The following CFAP57 variants were observed in gnomAD, a reference collection of about 807,000 sequenced individuals.
CFAP57 encodes cilia and flagella associated protein 57, also known as cilia- and flagella-associated protein 57.
In CFAP57, 116 loss-of-function variants were observed where a neutral mutation model predicts 146.8. The ratio of observed to expected loss-of-function variants is 0.79; its 90% confidence interval spans 0.68 to 0.92. The LOEUF (loss-of-function observed/expected upper bound fraction) is 0.92. Among genes scored for constraint, CFAP57 ranks in the 40% least tolerant of loss-of-function variants. The probability of loss-of-function intolerance (pLI) is 0.00; values close to 1 mark genes in which losing one functional copy is unlikely to be tolerated. For synonymous variants in CFAP57, 518 were observed against 552.8 expected (o/e 0.94, Z 0.88); for missense variants, 1,377 against 1,527.2 (o/e 0.90, Z 1.64).
chr1:43,226,979 C>G lies in CFAP57; in HGVS notation c.2866-4C>G. ...CTCTCACTTCTCTCTCATCTCACCC[C>G]CAGGAGAAGCGAATTTATGATCTGA... On this transcript the variant is annotated splice_region_variant and splice_polypyrimidine_tract_variant and intron_variant, in intron 17 of 22. Transcript: ENST00000372492. 1 of 1,506,292 alleles carries G rather than the reference C, an allele frequency of 6.6e-7. No homozygotes were observed. Among genetic ancestry groups the G allele is most frequent in the Non-Finnish European group, 8.9e-7 (1 of 1,127,434 alleles). 93.3% of individuals were successfully genotyped at this position (1,506,292 alleles called of 1,614,324 possible).
Position 43,210,236 on chromosome 1 carries a change from T to G in CFAP57, c.1929+320T>G, listed in dbSNP as rs958395654. On this transcript the variant is annotated intron_variant, in intron 11 of 22. Coordinates refer to ENST00000372492, the MANE Select transcript of CFAP57 (RefSeq NM_001378189.1). ...TGGGCTGCACTTGACCACAGCTGCCTCCTCCTCCAGAGAATGCCCCAGACT... is the reference window on the plus strand; with the variant it reads ...TGGGCTGCACTTGACCACAGCTGCCGCCTCCTCCAGAGAATGCCCCAGACT... 6.5e-5 allele frequency: 96 copies of G among 1,483,502 alleles called. No homozygotes were observed. In the East Asian group the frequency reaches 2.2e-3, roughly 34 times the overall value. 91.9% of individuals were successfully genotyped at this position (1,483,502 alleles called of 1,614,324 possible). A position where few individuals can be genotyped will look rare whatever the true frequency, so the allele number is the denominator to read the frequency against.
chr1:43,210,480 C>CAATACCCT, intron 11 of CFAP57: 1 of 941,958 alleles, frequency 1.1e-6, no homozygotes, highest in Non-Finnish European at 1.3e-6. Context: ...TACAATGGAA[C>CAATACCCT]AATACCCTGC....
chr1:43,254,274 G>T lies in CFAP57; in HGVS notation c.*83G>T. ...CAAGCCAGACTTGCGGTTGGAGTCT[G>T]TATGGTCCCTGCAGCACTGACCCCA... On this transcript the variant is annotated 3_prime_UTR_variant, in exon 23 of 23. Transcript: ENST00000372492. 2 of 1,272,910 alleles carry T rather than the reference G, an allele frequency of 1.6e-6. No individual in the cohort carries two copies. The highest frequency in any genetic ancestry group is 2.2e-6 in the Non-Finnish European group (2 of 922,028). 78.9% of individuals were successfully genotyped at this position (1,272,910 alleles called of 1,614,324 possible). A position where few individuals can be genotyped will look rare whatever the true frequency, so the allele number is the denominator to read the frequency against.
At chr1:43,176,074 G>A (rs1486367294) in intron 2 of CFAP57, among the ~76,000 whole-genome samples, 1 of 151,854 alleles carries the variant, frequency 6.6e-6, no homozygotes, top group East Asian at 1.9e-4. Flanking sequence ...CATGTGGGTG[G>A]ATCCTTGCAG....
At chr1:43,185,957 G>A (rs1414642053) in intron 5 of CFAP57, among the ~76,000 whole-genome samples, 2 of 151,730 alleles carry the variant, frequency 1.3e-5, no homozygotes, top group African/African-American at 4.8e-5. Context: ...AAAGTAGCCA[G>A]GTATGGTGGC....
At chr1:43,178,706 G>C (rs606655) in intron 2 of CFAP57, among the ~76,000 whole-genome samples, 28,779 of 152,106 alleles carry the variant, frequency 0.19, 4,040 homozygotes, top group African/African-American at 0.38. Context: ...ACTAGTTCAA[G>C]CATTGTGGAA....
chr1:43,198,855 A>C (rs612951), intron 8 of CFAP57, among the ~76,000 whole-genome samples: 39,831 of 152,096 alleles, frequency 0.26, 5,488 homozygotes, highest in Middle Eastern at 0.33. Flanking sequence ...TATGTCCACC[A>C]GACTATTTCA....
At chr1:43,176,763 G>T (rs1201023905) in intron 2 of CFAP57, among the ~76,000 whole-genome samples, 3 of 152,216 alleles carry the variant, frequency 2.0e-5, no homozygotes, top group Non-Finnish European at 4.4e-5. Flanking sequence ...GAAGCCGTTG[G>T]GGGAGTAAGA....
chr1:43,222,291 A>G lies in CFAP57; in HGVS notation c.2528A>G (p.Glu843Gly). 1 of 1,437,620 alleles carries G rather than the reference A, an allele frequency of 7.0e-7. No individual in the cohort carries two copies. The highest frequency in any genetic ancestry group is 9.2e-7 in the Non-Finnish European group (1 of 1,091,220). The allele number at this position is 1,437,620 out of a possible 1,614,324, so 89.1% of individuals were successfully genotyped here. A position where few individuals can be genotyped will look rare whatever the true frequency, so the allele number is the denominator to read the frequency against. The change falls in exon 15 of 23, where the codon GAA becomes GGA. Residue 843 changes from glutamate to glycine, a missense_variant. Physicochemically the swap from Glu to Gly is moderately conservative, Grantham distance 98. Transcript: ENST00000372492. ...AKLQEKTTLL[E>G]EAQEDVRQQL... ...CTGCAGGAGAAAACCACCCTTCTGG[A>G]AGAGGTACTCACAGGAAGCCATGCT...
At chr1:43,197,484 AT>A in intron 6 of CFAP57, 68 bp from the exon 7 acceptor site, 2 of 1,605,762 alleles carry the variant, frequency 1.2e-6, no homozygotes, top group Non-Finnish European at 1.7e-6. Context: ...ATGGGAACTA[AT>A]TAGAGCTGAC....
intron 6 of CFAP57, among the ~76,000 whole-genome samples, chr1:43,187,218 G>A (rs554220814): frequency 6.6e-6 from 1 of 152,094 alleles, no homozygotes; most frequent in East Asian, 1.9e-4. Flanking sequence ...CCTTTTTACT[G>A]TTTTGGAATA....
intron 21 of CFAP57, among the ~76,000 whole-genome samples, chr1:43,236,910 C>CG (rs371245810): frequency 5.9e-4 from 52 of 88,206 alleles, no homozygotes; most frequent in African/African-American, 3.3e-3. Flanking sequence ...CTCCATCCCC[C>CG]CCCAAAAAAA....
rs1006480601 is a variant in CFAP57, at chr1:43,172,332, T to C, written c.-141T>C. 2.3e-5 allele frequency: 36 copies of C among 1,551,552 alleles called. No homozygotes were observed. The highest frequency in any genetic ancestry group is 3.0e-5 in the Non-Finnish European group (34 of 1,146,998). On this transcript the variant is annotated 5_prime_UTR_variant, in exon 1 of 23. Coordinates refer to ENST00000372492, the MANE Select transcript of CFAP57 (RefSeq NM_001378189.1). The stretch of plus-strand genomic sequence containing the variant: ...TTCCGCTTCCGGCGGCAAACCATAC[T>C]TCCGGTTTGTCGTTGCTATAGGAAC...
At chr1:43,223,981 C>T (rs1286326306) in intron 16 of CFAP57, 65 bp from the exon 17 acceptor site, 3 of 1,534,124 alleles carry the variant, frequency 2.0e-6, no homozygotes, top group Non-Finnish European at 2.6e-6. Flanking sequence ...TACACTGAGA[C>T]AGTGGGAGGG....
chr1:43,249,179 C>A (rs193263791), intron 22 of CFAP57, among the ~76,000 whole-genome samples: 1 of 151,688 alleles, frequency 6.6e-6, no homozygotes, highest in Non-Finnish European at 1.5e-5. Flanking sequence ...GGATTATAGG[C>A]GTGAGCTGCC....
Position 43,222,342 on chromosome 1 carries a change from C to T in CFAP57, c.2532+47C>T, listed in dbSNP as rs934134916. On this transcript the variant is annotated intron_variant, in intron 15 of 22. Transcript: ENST00000372492. Reference sequence around the variant, plus strand: ...GTGCCTCCCTTTCACAGAGAAAAGCCACCCATTCACTCAGATCTCCATGGC... The same window carrying T: ...GTGCCTCCCTTTCACAGAGAAAAGCTACCCATTCACTCAGATCTCCATGGC... 12 of 1,383,826 alleles carry T rather than the reference C, an allele frequency of 8.7e-6. No individual in the cohort carries two copies. The African/African-American group carries it at 1.5e-4, about 17-fold the overall frequency. The allele number at this position is 1,383,826 out of a possible 1,614,324, so 85.7% of individuals were successfully genotyped here.
At chr1:43,232,259 C>T (rs1645501774) in intron 18 of CFAP57, 1 of 590,616 alleles carries the variant, frequency 1.7e-6, no homozygotes, top group South Asian at 2.2e-5. Flanking sequence ...GGGAAAGTGA[C>T]TCAGAGGGAA....
At chr1:43,221,638 C>T (rs1352410080) in intron 14 of CFAP57, among the ~76,000 whole-genome samples, 173 bp downstream of exon 14, 1 of 152,196 alleles carries the variant, frequency 6.6e-6, no homozygotes, top group Non-Finnish European at 1.5e-5. Flanking sequence ...TGTTTTTACT[C>T]ATTCACTAAG....
At chr1:43,172,668 G>A in intron 1 of CFAP57, 67 bp from the exon 2 acceptor site, 1 of 1,553,080 alleles carries the variant, frequency 6.4e-7, no homozygotes. Flanking sequence ...GGGCGAGTCC[G>A]GGCCGGGGGC....
Sources: gnomAD v4.1 joint callset for allele counts (sites outside exome capture counted in the v4.1 genomes callset) on GRCh38, gnomAD v4.1.1 for gene constraint, MANE v1.5 for transcripts, NCBI Gene and HGNC (gene_info 2026-07-23, HGNC 2026-07-21) for gene names.